Variants in PLEKHM3 observed in about 807,000 individuals in gnomAD.
PLEKHM3 encodes the protein pleckstrin homology domain-containing family M member 3.
Under a neutral mutation model 81.8 loss-of-function variants are expected in PLEKHM3, and 45 were observed. The ratio of observed to expected loss-of-function variants is 0.55; its 90% confidence interval spans 0.43 to 0.71. The LOEUF is 0.71. Among genes scored for constraint, PLEKHM3 ranks in the 30% least tolerant of loss-of-function variants. The pLI is 0.00. For missense variants in PLEKHM3, 788 were observed against 924.3 expected, an observed-to-expected ratio of 0.85 and a Z score of 1.91; for synonymous variants, 352 against 356.4, an observed-to-expected ratio of 0.99 and a Z score of 0.14.
rs2092259354 is a variant in PLEKHM3, at chr2:207,827,736, T to C, written c.*583A>G. ...GGCTCCTGTTTCCAGCCATCGGCTC[T>C]GCTTACGTGATTCCCCGCCTCCACA... is the stretch of plus-strand genomic sequence containing the variant. On this transcript the variant is annotated 3_prime_UTR_variant, in exon 8 of 8. Coordinates refer to ENST00000427836, the MANE Select transcript of PLEKHM3 (RefSeq NM_001080475.3). 1 of 152,180 alleles carries C rather than the reference T, an allele frequency of 6.6e-6. No homozygotes were observed. Among genetic ancestry groups the C allele is most frequent in the Non-Finnish European group, 1.5e-5 (1 of 68,038 alleles). 9.4% of individuals were successfully genotyped at this position (152,180 alleles called of 1,614,324 possible).
At position 207,829,728 on chromosome 2, in the gene PLEKHM3, T is replaced by C. The variant is rs371678927; in HGVS notation, c.2109-1232A>G. On this transcript the variant is annotated intron_variant, in intron 7 of 7. Transcript: ENST00000427836. Reference sequence around the variant, plus strand: ...AGCCCAGGGAATTGCACCTGTGTAATTTTGTTCAGCCTGCAGCATTCAGGG... The same window carrying C: ...AGCCCAGGGAATTGCACCTGTGTAACTTTGTTCAGCCTGCAGCATTCAGGG... Among the ~76,000 whole-genome samples, 22 of 152,290 alleles carry C rather than the reference T, an allele frequency of 1.4e-4. 1 individual carries two copies. In the South Asian group the frequency reaches 3.5e-3, roughly 24 times the overall value.
At chr2:207,867,769 C>A (rs547031224) in intron 6 of PLEKHM3, among the ~76,000 whole-genome samples, 2 of 151,808 alleles carry the variant, frequency 1.3e-5, no homozygotes, top group East Asian at 3.9e-4. Flanking sequence ...AAAAATAAAT[C>A]AATTGTCTTT....
intron 1 of PLEKHM3, among the ~76,000 whole-genome samples, chr2:208,016,668 A>ATACAC (rs11436592): frequency 6.5e-5 from 4 of 61,556 alleles, no homozygotes; most frequent in Admixed American, 2.2e-4. Flanking sequence ...AAAAAAAAAA[A>ATACAC]ATACACACAC....
chr2:207,922,140 G>T (rs956668261), intron 5 of PLEKHM3, among the ~76,000 whole-genome samples: 3 of 152,042 alleles, frequency 2.0e-5, no homozygotes, highest in Non-Finnish European at 4.4e-5. Context: ...ATCCTTGCTG[G>T]TGGTTGTTAT....
At chr2:207,932,778 G>C (rs1037630745) in intron 4 of PLEKHM3, among the ~76,000 whole-genome samples, 1 of 152,174 alleles carries the variant, frequency 6.6e-6, no homozygotes, top group Non-Finnish European at 1.5e-5. Context: ...GGGTGTAGAA[G>C]ATAAACAGAA....
chr2:207,917,217 G>A (rs1689021835), intron 5 of PLEKHM3, among the ~76,000 whole-genome samples: 1 of 152,204 alleles, frequency 6.6e-6, no homozygotes, highest in Non-Finnish European at 1.5e-5. Flanking sequence ...TAAGGCTAAA[G>A]CCCCAGCTGC....
intron 6 of PLEKHM3, among the ~76,000 whole-genome samples, chr2:207,865,800 AAAGATATATATATATATAT>A (rs1220679403): frequency 2.3e-5 from 1 of 44,204 alleles, no homozygotes; most frequent in African/African-American, 1.5e-4. Flanking sequence ...AAAAAAAAAA[AAAGATATATATATATATAT>A]ATATATATAT....
chr2:207,828,760 T>C (rs1194337067), intron 7 of PLEKHM3, among the ~76,000 whole-genome samples: 1 of 152,176 alleles, frequency 6.6e-6, no homozygotes, highest in African/African-American at 2.4e-5. Flanking sequence ...CCAGCAATTC[T>C]GGTTATAGTG....
chr2:207,981,809 A>G lies in PLEKHM3; in HGVS notation c.611-4223T>C, dbSNP rs373584119. ...ATATTCTTTTAAAGTATTCAATTTCATAAATAATAAAATCTCACAATGACT... is the reference window on the plus strand; with the variant it reads ...ATATTCTTTTAAAGTATTCAATTTCGTAAATAATAAAATCTCACAATGACT... On this transcript the variant is annotated intron_variant, in intron 2 of 7. Transcript: ENST00000427836. 5.3e-5 allele frequency among the ~76,000 whole-genome samples: 8 copies of G among 152,358 alleles called. No homozygotes were observed. In the East Asian group the frequency reaches 1.2e-3, roughly 22 times the overall value.
intron 6 of PLEKHM3, among the ~76,000 whole-genome samples, chr2:207,867,508 T>C (rs1287260617): frequency 6.6e-6 from 1 of 152,136 alleles, no homozygotes; most frequent in Non-Finnish European, 1.5e-5. Flanking sequence ...ATACAACTAT[T>C]AGAAGCACTA....
chr2:207,929,986 C>A, intron 5 of PLEKHM3: 1 of 679,078 alleles, frequency 1.5e-6, no homozygotes, highest in Non-Finnish European at 2.7e-6. Context: ...GACTTATGAA[C>A]GCCATCAACA....
chr2:208,002,050 G>A (rs569508944), intron 1 of PLEKHM3, 93 bp from the exon 2 acceptor site: 28 of 181,712 alleles, frequency 1.5e-4, no homozygotes, highest in African/African-American at 5.0e-4. Flanking sequence ...CTCTATGCCC[G>A]TTCTATGGTA....
At chr2:207,940,155 C>T (rs1412665810) in intron 4 of PLEKHM3, among the ~76,000 whole-genome samples, 3 of 152,078 alleles carry the variant, frequency 2.0e-5, no homozygotes, top group Non-Finnish European at 4.4e-5. Flanking sequence ...AAACACATTC[C>T]GTGTGCCCAG....
intron 2 of PLEKHM3, among the ~76,000 whole-genome samples, chr2:207,977,878 G>C (rs1184042342): frequency 6.6e-6 from 1 of 152,116 alleles, no homozygotes. Flanking sequence ...CTTGAGCCCA[G>C]GAGTTCAAGA....
intron 7 of PLEKHM3, among the ~76,000 whole-genome samples, chr2:207,860,235 G>T (rs1255191804): frequency 2.7e-5 from 4 of 150,238 alleles, no homozygotes; most frequent in Admixed American, 1.3e-4. Flanking sequence ...TTATGTGTCT[G>T]TTTTTCTGTG....
At chr2:207,972,882 G>A (rs1346682649) in intron 3 of PLEKHM3, among the ~76,000 whole-genome samples, 2 of 152,120 alleles carry the variant, frequency 1.3e-5, no homozygotes, top group Non-Finnish European at 2.9e-5. Context: ...AAGGCCAATT[G>A]CACTATTTTG....
At chr2:207,912,215 A>G (rs1198627358) in intron 5 of PLEKHM3, among the ~76,000 whole-genome samples, 1 of 152,190 alleles carries the variant, frequency 6.6e-6, no homozygotes, top group Non-Finnish European at 1.5e-5. Context: ...AAATTAACCA[A>G]CTTTGGTCAC....
chr2:207,861,557 A>G (rs893168883), intron 6 of PLEKHM3, among the ~76,000 whole-genome samples: 1 of 152,178 alleles, frequency 6.6e-6, no homozygotes, highest in African/African-American at 2.4e-5. Context: ...GGATAGACCA[A>G]CTTCACAGTT....
At chr2:207,997,331 G>A (rs2106082332) in intron 2 of PLEKHM3, among the ~76,000 whole-genome samples, 1 of 152,296 alleles carries the variant, frequency 6.6e-6, no homozygotes, top group East Asian at 1.9e-4. Flanking sequence ...AGAAGACGCA[G>A]AGGCCCTACC....
Sources: gnomAD v4.1 joint callset for allele counts (sites outside exome capture counted in the v4.1 genomes callset) on GRCh38, gnomAD v4.1.1 for gene constraint, MANE v1.5 for transcripts, NCBI Gene and HGNC (gene_info 2026-07-23, HGNC 2026-07-21) for gene names.